The following SLC5A8 variants were observed in gnomAD, a reference collection of about 807,000 sequenced individuals.
The protein encoded by SLC5A8 is solute carrier family 5 member 8, also known as sodium-coupled monocarboxylate transporter 1.
SLC5A8 carries 55 observed loss-of-function variants against 71.9 expected under a neutral mutation model. The observed-to-expected ratio is 0.77, with a 90% CI of 0.62 to 0.96. SLC5A8 has a LOEUF of 0.96. Ranked by LOEUF, SLC5A8 falls within the 40% of genes least tolerant of loss-of-function variation. The probability of loss-of-function intolerance (pLI) is 0.00; values close to 1 mark genes in which losing one functional copy is unlikely to be tolerated. For missense variants in SLC5A8, 701 were observed against 745.3 expected (o/e 0.94, Z 0.69); for synonymous variants, 307 against 276.1 (o/e 1.11, Z -1.11).
At chr12:101,165,541 G>A (rs1479872170) in intron 12 of SLC5A8, among the ~76,000 whole-genome samples, 6 of 151,820 alleles carry the variant, frequency 4.0e-5, no homozygotes, top group African/African-American at 1.5e-4. Context: ...CCTCAAATAC[G>A]CCTCAGGCTC....
intron 14 of SLC5A8, 96 bp from the exon 15 acceptor site, chr12:101,157,497 G>T (rs1259490277): frequency 8.5e-6 from 12 of 1,405,636 alleles, no homozygotes; most frequent in Non-Finnish European, 1.0e-5. Flanking sequence ...TTATTTCTCT[G>T]CATCAGCTTT....
At position 101,160,140 on chromosome 12, in the gene SLC5A8, C is replaced by T. The variant is rs537215053; in HGVS notation, c.1631-1812G>A. 3.3e-5 allele frequency among the ~76,000 whole-genome samples: 5 copies of T among 152,262 alleles called. No homozygotes were observed. In the South Asian group the frequency reaches 6.2e-4, roughly 19 times the overall value. ...GAGGTTACAGTGAGCCAAGATCGCA[C>T]CACTGTACTCCAGCCTGGGCAAAAG... On this transcript the variant is annotated intron_variant, in intron 13 of 14. Transcript: ENST00000536262.
chr12:101,191,488 A>G (rs1046484227), intron 5 of SLC5A8, among the ~76,000 whole-genome samples: 6 of 152,200 alleles, frequency 3.9e-5, no homozygotes, highest in African/African-American at 1.2e-4. Context: ...GAGAGCCTCT[A>G]TTTCATGTCT....
chr12:101,204,566 C>T lies in SLC5A8; in HGVS notation c.352-1G>A, dbSNP rs1487371855. On this transcript the variant is annotated splice_acceptor_variant, in intron 1 of 14. Coordinates refer to ENST00000536262, the MANE Select transcript of SLC5A8 (RefSeq NM_145913.5). LOFTEE classifies it high-confidence loss of function. ...ATTTGTTAAATCGAAGTTCTAAATACTGTTGCAAAAAAAAAAATTATGCGA... is the reference window on the plus strand; with the variant it reads ...ATTTGTTAAATCGAAGTTCTAAATATTGTTGCAAAAAAAAAAATTATGCGA... 1.9e-6 allele frequency: 3 copies of T among 1,581,166 alleles called. No individual in the cohort carries two copies. Among genetic ancestry groups the T allele is most frequent in the Non-Finnish European group, 2.6e-6 (3 of 1,165,418 alleles).
Position 101,195,054 on chromosome 12 carries a change from C to A in SLC5A8, c.537+41G>T, listed in dbSNP as rs781681692. 12 of 1,605,798 alleles carry A rather than the reference C, an allele frequency of 7.5e-6. No homozygotes were observed. In the South Asian group the frequency reaches 1.2e-4, roughly 16 times the overall value. On this transcript the variant is annotated intron_variant, in intron 4 of 14. Transcript: ENST00000536262. ...AACTGGAATTTTCAATTTTGCAAAG[C>A]AAGTGGGTAGAGTGAAAAGGGAAAT...
intron 2 of SLC5A8, 98 bp from the exon 3 acceptor site, chr12:101,202,313 A>G (rs1163407836): frequency 9.7e-6 from 11 of 1,129,008 alleles, no homozygotes; most frequent in African/African-American, 3.3e-5. Context: ...TATAACTTCA[A>G]TTATGACTTA....
chr12:101,173,581 A>G (rs2051852335), intron 10 of SLC5A8, among the ~76,000 whole-genome samples: 1 of 152,142 alleles, frequency 6.6e-6, no homozygotes, highest in Admixed American at 6.5e-5. Flanking sequence ...TGCCAGCAAC[A>G]CTCAGCAGAC....
chr12:101,180,410 T>C (rs148934002), intron 9 of SLC5A8, among the ~76,000 whole-genome samples: 332 of 152,312 alleles, frequency 2.2e-3, no homozygotes, highest in African/African-American at 7.5e-3. Flanking sequence ...TAATCATCCA[T>C]AAACATTTGT....
chr12:101,168,663 G>A (rs1039964660), intron 10 of SLC5A8, among the ~76,000 whole-genome samples: 3 of 152,162 alleles, frequency 2.0e-5, no homozygotes, highest in Non-Finnish European at 2.9e-5. Context: ...TGAGAAATAC[G>A]ATTTTAAAAA....
chr12:101,165,880 A>G (rs2051765387), intron 12 of SLC5A8, among the ~76,000 whole-genome samples: 2 of 152,170 alleles, frequency 1.3e-5, no homozygotes, highest in South Asian at 4.1e-4. Flanking sequence ...ATATCCACTA[A>G]AGAAAGTCTT....
At chr12:101,176,830 A>G (rs903962357) in intron 10 of SLC5A8, among the ~76,000 whole-genome samples, 5 of 152,134 alleles carry the variant, frequency 3.3e-5, no homozygotes, top group African/African-American at 9.6e-5. Context: ...ACACATTAGA[A>G]AAGAGGAGAA....
intron 6 of SLC5A8, 74 bp downstream of exon 6, chr12:101,190,394 G>T: frequency 6.7e-7 from 1 of 1,501,846 alleles, no homozygotes; most frequent in Middle Eastern, 1.7e-4. Flanking sequence ...GGAGCTAAAC[G>T]TGACTTATGA....
intron 12 of SLC5A8, among the ~76,000 whole-genome samples, chr12:101,162,366 A>T (rs2137122117): frequency 6.6e-6 from 1 of 152,310 alleles, no homozygotes; most frequent in East Asian, 1.9e-4. Flanking sequence ...TAGATAAACC[A>T]TTTGACCCAG....
intron 13 of SLC5A8, among the ~76,000 whole-genome samples, chr12:101,160,070 T>C (rs1207442353): frequency 6.6e-6 from 1 of 152,140 alleles, no homozygotes; most frequent in African/African-American, 2.4e-5. Flanking sequence ...TAGTCCCAGC[T>C]ACTCGGGAAG....
intron 11 of SLC5A8, among the ~76,000 whole-genome samples, chr12:101,167,271 T>A (rs948533984): frequency 6.6e-6 from 1 of 152,222 alleles, no homozygotes; most frequent in African/African-American, 2.4e-5. Context: ...AAAAGCAGCT[T>A]TTCATATGAC....
intron 13 of SLC5A8, among the ~76,000 whole-genome samples, chr12:101,158,678 C>CTGGTACTTCATCTGGTACCAAA (rs1484423955): frequency 7.0e-6 from 1 of 141,974 alleles, no homozygotes; most frequent in Non-Finnish European, 1.5e-5. Context: ...CGCAAGCCAA[C>CTGGTACTTCATCTGGTACCAAA]TGCTTCATCT....
chr12:101,209,594 A>G lies in SLC5A8; in HGVS notation c.255T>C (p.Phe85=), dbSNP rs780155266. The G allele has an allele frequency of 6.2e-7, 1 of 1,614,066 alleles. No homozygotes were observed. The highest frequency in any genetic ancestry group is 1.1e-5 in the South Asian group (1 of 91,086). The change falls in exon 1 of 15, where the codon TTT becomes TTC. Residue 85 remains phenylalanine (F), a synonymous_variant. Transcript: ENST00000536262. ...AGAAGTAGGTGAAGGCAAAGATGCT[A>G]AAAATGGCCCCAAAACGGTAGACCT... is the stretch of plus-strand genomic sequence containing the variant. ...PSEVYRFGAI[F]SIFAFTYFFV... is the part of the protein sequence containing the mutation.
chr12:101,172,982 G>GGCTC (rs1250022154), intron 10 of SLC5A8, among the ~76,000 whole-genome samples: 1 of 152,116 alleles, frequency 6.6e-6, no homozygotes, highest in Non-Finnish European at 1.5e-5. Context: ...GCGCCACAGT[G>GGCTC]GCTCCCCTTC....
In SLC5A8 at chr12:101,209,853, G is replaced by A. The variant is rs1315371241; in HGVS notation, c.-5C>T. 13 of 1,529,618 alleles carry A rather than the reference G, an allele frequency of 8.5e-6. No homozygotes were observed. The highest frequency in any genetic ancestry group is 1.8e-4 in the Middle Eastern group (1 of 5,660). The allele number at this position is 1,529,618 out of a possible 1,614,324, so 94.8% of individuals were successfully genotyped here. ...GATGCCCCGTGGCGTGTCCATGGCC[G>A]CACGGTCGCCTGAGCCCTGCGCGCA... On this transcript the variant is annotated 5_prime_UTR_variant, in exon 1 of 15. Coordinates refer to ENST00000536262, the MANE Select transcript of SLC5A8 (RefSeq NM_145913.5).
Sources: gnomAD v4.1 joint callset for allele counts (sites outside exome capture counted in the v4.1 genomes callset) on GRCh38, gnomAD v4.1.1 for gene constraint, MANE v1.5 for transcripts, NCBI Gene and HGNC (gene_info 2026-07-23, HGNC 2026-07-21) for gene names.